The following GP2 variants were observed in gnomAD, a reference collection of about 807,000 sequenced individuals.
GP2 encodes the protein glycoprotein 2, also known as pancreatic secretory granule membrane major glycoprotein GP2.
GP2 carries 58 observed loss-of-function variants against 60.8 expected under a neutral mutation model. That is an observed-to-expected ratio of 0.95 (90% CI 0.77 to 1.19). GP2 has a LOEUF of 1.19. Among genes scored for constraint, GP2 ranks in the 50% most tolerant of loss-of-function variants. The pLI, the probability that GP2 is intolerant of heterozygous loss-of-function variation, is 0.00. For missense variants in GP2, 647 were observed against 667.4 expected, an observed-to-expected ratio of 0.97 and a Z score of 0.34; for synonymous variants, 280 against 253.4, an observed-to-expected ratio of 1.10 and a Z score of -1.00.
intron 5 of GP2, among the ~76,000 whole-genome samples, chr16:20,319,975 C>T (rs1008228113): frequency 2.0e-5 from 3 of 152,076 alleles, no homozygotes; most frequent in Non-Finnish European, 2.9e-5. Context: ...AAAACTAGAA[C>T]GATAAATTAT....
At chr16:20,321,739 AGGGTGTG>A (rs1161182339) in intron 4 of GP2, among the ~76,000 whole-genome samples, 1 of 152,160 alleles carries the variant, frequency 6.6e-6, no homozygotes, top group Non-Finnish European at 1.5e-5. Flanking sequence ...AAATGAGAGC[AGGGTGTG>A]GGAGAAGGAG....
rs555644547 is a variant in GP2 at position 20,317,514 on chromosome 16, G to T, written c.1254-139C>A. The T allele has an allele frequency of 2.6e-5, 17 of 657,086 alleles. No homozygotes were observed. In the South Asian group the frequency reaches 2.7e-4, roughly 10 times the overall value. 40.7% of individuals were successfully genotyped at this position (657,086 alleles called of 1,614,324 possible). A position where few individuals can be genotyped will look rare whatever the true frequency, so the allele number is the denominator to read the frequency against. On this transcript the variant is annotated intron_variant, in intron 7 of 10. Coordinates refer to ENST00000302555, the MANE Select transcript of GP2 (RefSeq NM_001502.4). ...TTCCTCCAAGATGTTATCCATAAGC[G>T]CACATGGCTTAAATTATTTGAGGGC...
chr16:20,317,190 G>C (rs1261838890), intron 8 of GP2, 23 bp downstream of exon 8: 1 of 1,483,000 alleles, frequency 6.7e-7, no homozygotes, highest in Non-Finnish European at 9.1e-7. Context: ...GCTCTGAAGA[G>C]TTCAGTTCAA....
intron 7 of GP2, among the ~76,000 whole-genome samples, chr16:20,317,929 A>T (rs1052633467): frequency 6.6e-6 from 1 of 152,194 alleles, no homozygotes; most frequent in Non-Finnish European, 1.5e-5. Flanking sequence ...TACCAAATTG[A>T]TTCCCTATTT....
At chr16:20,318,469 A>T in intron 6 of GP2, 39 bp from the exon 7 acceptor site, 1 of 1,598,000 alleles carries the variant, frequency 6.3e-7, no homozygotes, top group East Asian at 2.2e-5. Context: ...AACCTCAGAG[A>T]ACAACATAAA....
intron 10 of GP2, 21 bp from the exon 11 acceptor site, chr16:20,311,302 CT>C: frequency 6.6e-7 from 1 of 1,519,856 alleles, no homozygotes; most frequent in South Asian, 1.1e-5. Context: ...AGAAATATGA[CT>C]GTCAAGTGTT....
intron 1 of GP2, among the ~76,000 whole-genome samples, chr16:20,327,159 A>G (rs1041585876): frequency 6.6e-6 from 1 of 152,194 alleles, no homozygotes; most frequent in Non-Finnish European, 1.5e-5. Context: ...GCTATGAGAC[A>G]GCAGGGATAG....
At chr16:20,315,161 T>C (rs1167035333) in intron 9 of GP2, among the ~76,000 whole-genome samples, 1 of 152,144 alleles carries the variant, frequency 6.6e-6, no homozygotes, top group Non-Finnish European at 1.5e-5. Flanking sequence ...ACAGCCTCCA[T>C]TTGCTCTGGA....
At chr16:20,327,245 A>G in intron 1 of GP2, 2 of 333,678 alleles carry the variant, frequency 6.0e-6, no homozygotes, top group Non-Finnish European at 5.9e-6. Flanking sequence ...AATATCTGGG[A>G]CAAGGAAGAG....
intron 5 of GP2, among the ~76,000 whole-genome samples, 192 bp from the exon 6 acceptor site, chr16:20,319,960 G>A (rs538487199): frequency 1.3e-5 from 2 of 152,206 alleles, no homozygotes; most frequent in Non-Finnish European, 2.9e-5. Context: ...GAGGAAACCA[G>A]GCAAAAAACT....
In GP2 at chr16:20,324,192, G is replaced by A. The variant is rs1452313330; in HGVS notation, c.159C>T (p.Thr53=). The change falls in exon 3 of 11, where the codon ACC becomes ACT. Residue 53 remains threonine, a synonymous_variant. Transcript: ENST00000302555. ...GGTCAAAACAGACATGAGCCTCTGGGGTGCCAGGAGCTCCGCAGTCCAGGT... is the reference window on the plus strand; with the variant it reads ...GGTCAAAACAGACATGAGCCTCTGGAGTGCCAGGAGCTCCGCAGTCCAGGT... The part of the protein sequence containing the change: ...GLDLDCGAPG[T]PEAHVCFDPC... 5 of 1,613,636 alleles carry A rather than the reference G, an allele frequency of 3.1e-6. No individual in the cohort carries two copies. The highest frequency in any genetic ancestry group is 2.5e-6 in the Non-Finnish European group (3 of 1,179,516).
chr16:20,320,585 C>T, intron 4 of GP2, 112 bp from the exon 5 acceptor site: 1 of 745,646 alleles, frequency 1.3e-6, no homozygotes, highest in South Asian at 1.7e-5. Context: ...TAGAAGGTCC[C>T]TGGGATCCAG....
intron 2 of GP2, among the ~76,000 whole-genome samples, chr16:20,324,676 C>A (rs1026373199): frequency 2.6e-5 from 4 of 152,176 alleles, no homozygotes; most frequent in African/African-American, 9.7e-5. Context: ...CCAGAAGTAA[C>A]AATAAATTTG....
At chr16:20,324,324 C>G in intron 2 of GP2, 68 bp from the exon 3 acceptor site, 1 of 1,039,466 alleles carries the variant, frequency 9.6e-7, no homozygotes, top group Non-Finnish European at 1.4e-6. Context: ...TTTTTCCCCT[C>G]CATGCTCTAT....
In GP2 at chr16:20,320,452, T is replaced by C; in HGVS notation, c.668A>G (p.Gln223Arg). ...GATCTCCCTGGGCCCACAGTCTAGC[T>C]GAGGCTGCAAACTGTGGACATCTGC... is the stretch of plus-strand genomic sequence containing the variant. ...NSSDVHSLQP[Q>R]LDCGPREIKV... The change falls in exon 5 of 11, where the codon CAG (glutamine) becomes CGG (arginine). Residue 223 changes from glutamine to arginine, a missense_variant. Physicochemically the swap from Gln to Arg is conservative, Grantham distance 43. Coordinates refer to ENST00000302555, the MANE Select transcript of GP2 (RefSeq NM_001502.4). The C allele has an allele frequency of 6.2e-7, 1 of 1,613,444 alleles. No individual in the cohort carries two copies. Among genetic ancestry groups the C allele is most frequent in the East Asian group, 2.2e-5 (1 of 44,860 alleles).
intron 8 of GP2, among the ~76,000 whole-genome samples, chr16:20,316,803 C>T (rs893893658): frequency 2.0e-5 from 3 of 151,002 alleles, no homozygotes; most frequent in Non-Finnish European, 3.0e-5. Flanking sequence ...CTACCTATCT[C>T]GTTCCGTCTC....
chr16:20,324,185 C>A lies in GP2; in HGVS notation c.166G>T (p.Ala56Ser), dbSNP rs1964461517. 1 of 1,613,928 alleles carries A rather than the reference C, an allele frequency of 6.2e-7. No individual in the cohort carries two copies. The highest frequency in any genetic ancestry group is 1.1e-5 in the South Asian group (1 of 91,080). Residue 56 changes from alanine to serine, a missense_variant, in exon 3 of 11, where the codon GCT becomes TCT. Ala to Ser is a moderately conservative substitution (Grantham distance 99, BLOSUM62 1). Transcript: ENST00000302555. ...TGACAGGGGTCAAAACAGACATGAG[C>A]CTCTGGGGTGCCAGGAGCTCCGCAG... The part of the protein sequence containing the change: ...LDCGAPGTPE[A>S]HVCFDPCQNY...
chr16:20,311,163 A>C lies in GP2; in HGVS notation c.*60T>G. ...ATTGGAGTGGAAAGCAGAAGTGCTG[A>C]AGGGAGCCATTGCCAGAGGGAAGAA... is the stretch of plus-strand genomic sequence containing the variant. On this transcript the variant is annotated 3_prime_UTR_variant, in exon 11 of 11. Transcript: ENST00000302555. 1 of 995,264 alleles carries C rather than the reference A, an allele frequency of 1.0e-6. No homozygotes were observed. The highest frequency in any genetic ancestry group is 1.6e-6 in the Non-Finnish European group (1 of 615,304). 61.7% of individuals were successfully genotyped at this position (995,264 alleles called of 1,614,324 possible).
chr16:20,317,483 C>T (rs1964222101), intron 7 of GP2, 108 bp from the exon 8 acceptor site: 5 of 772,234 alleles, frequency 6.5e-6, no homozygotes, highest in South Asian at 3.5e-5. Flanking sequence ...TTTTCTGTTC[C>T]TCTGTTTCCT....
Sources: gnomAD v4.1 joint callset for allele counts (sites outside exome capture counted in the v4.1 genomes callset) on GRCh38, gnomAD v4.1.1 for gene constraint, MANE v1.5 for transcripts, NCBI Gene and HGNC (gene_info 2026-07-23, HGNC 2026-07-21) for gene names.